Variants in MBD4 observed in about 807,000 individuals in gnomAD.
The protein encoded by MBD4 is methyl-CpG binding domain 4, DNA glycosylase.
MBD4 carries 53 observed loss-of-function variants against 60.2 expected under a neutral mutation model. The ratio of observed to expected loss-of-function variants is 0.88; its 90% confidence interval spans 0.71 to 1.11. The LOEUF is 1.11. Among genes scored for constraint, MBD4 ranks in the 50% least tolerant of loss-of-function variants. The pLI, the probability that MBD4 is intolerant of heterozygous loss-of-function variation, is 0.00. For synonymous variants in MBD4, 231 were observed against 229.8 expected (o/e 1.01, Z -0.05); for missense variants, 619 against 674.0 (o/e 0.92, Z 0.90).
At chr3:129,439,657 C>T in intron 1 of MBD4, 73 bp downstream of exon 1, 7 of 970,314 alleles carry the variant, frequency 7.2e-6, no homozygotes, top group Non-Finnish European at 1.1e-5. Flanking sequence ...TAGAAAGGCC[C>T]ACACACTGTC....
At chr3:129,431,652 T>A (rs1427937053) in intron 7 of MBD4, 74 bp from the exon 8 acceptor site, 1 of 1,068,620 alleles carries the variant, frequency 9.4e-7, no homozygotes, top group African/African-American at 1.5e-5. Context: ...TAAAATTGGC[T>A]TTTTAAATGT....
Position 129,436,816 on chromosome 3 carries a change from T to G in MBD4, c.828A>C (p.Glu276Asp), listed in dbSNP as rs371958871. The change falls in exon 3 of 8, where the codon GAA (glutamate) becomes GAC (aspartate). Residue 276 changes from glutamate (E) to aspartate (D), a missense_variant. By Grantham distance (45) the Glu-to-Asp change is conservative. Transcript: ENST00000429544. ...CAAGCTGACTTTTTTGTGCAACAGG[T>G]TCACTTTCAGCATCTGCTTTATTAC... ...SVCNKADAES[E>D]PVAQKSQLDR... The G allele has an allele frequency of 2.7e-5, 43 of 1,614,158 alleles. No homozygotes were observed. The East Asian group carries it at 4.5e-4, about 17-fold the overall frequency.
rs373011104 is a variant in MBD4 at position 129,437,945 on chromosome 3, T to C, written c.110A>G (p.Glu37Gly). ...TCTTTCCAATTCCATAGCAACATCT[T>C]CTTTGCTGGAAAAACAAAGTCTAAG... ...VPDPPNDLRK[E>G]DVAMELERVG... Residue 37 changes from glutamate (E) to glycine (G), a missense_variant, in exon 2 of 8, where the codon GAA (glutamate) becomes GGA (glycine). Coordinates refer to ENST00000429544, the MANE Select transcript of MBD4 (RefSeq NM_001276270.2). 6.3e-7 allele frequency: 1 copy of C among 1,591,136 alleles called. No homozygotes were observed. Among genetic ancestry groups the C allele is most frequent in the African/African-American group, 1.3e-5 (1 of 74,458 alleles).
At position 129,437,771 on chromosome 3, in the gene MBD4, T is replaced by A; in HGVS notation, c.284A>T (p.Lys95Met). 6.2e-7 allele frequency: 1 copy of A among 1,614,202 alleles called. No individual in the cohort carries two copies. The highest frequency in any genetic ancestry group is 8.5e-7 in the Non-Finnish European group (1 of 1,180,018). ...TGCTGTCTTCCCAAATAACCTTTGC[T>A]TCACAACTCTTTCCCATCCACATGG... is the stretch of plus-strand genomic sequence containing the variant. The part of the protein sequence containing the change: ...SVPCGWERVV[K>M]QRLFGKTAGR... The change falls in exon 2 of 8, where the codon AAG becomes ATG. Residue 95 changes from lysine (K) to methionine (M), a missense_variant. Coordinates refer to ENST00000429544, the MANE Select transcript of MBD4 (RefSeq NM_001276270.2).
At position 129,436,597 on chromosome 3, in the gene MBD4, C is replaced by G; in HGVS notation, c.1047G>C (p.Glu349Asp). The G allele has an allele frequency of 6.2e-7, 1 of 1,614,084 alleles. No homozygotes were observed. Among genetic ancestry groups the G allele is most frequent in the Non-Finnish European group, 8.5e-7 (1 of 1,180,000 alleles). The part of the protein sequence containing the change: ...AKDSEHNEKY[E>D]DTFLESEEIG... ...TTTCTTCAGATTCTAAAAAGGTATC[C>G]TCATACTTCTCGTTGTGTTCTGAGT... The change falls in exon 3 of 8, where the codon GAG becomes GAC. Residue 349 changes from glutamate (E) to aspartate (D), a missense_variant. Glu to Asp is a conservative substitution (Grantham distance 45, BLOSUM62 2). Transcript: ENST00000429544.
Position 129,436,832 on chromosome 3 carries a change from G to C in MBD4, c.812C>G (p.Ala271Gly), listed in dbSNP as rs753686324. Residue 271 changes from alanine (A) to glycine (G), a missense_variant, in exon 3 of 8, where the codon GCA becomes GGA. Coordinates refer to ENST00000429544, the MANE Select transcript of MBD4 (RefSeq NM_001276270.2). ...TGCAACAGGTTCACTTTCAGCATCT[G>C]CTTTATTACACACAGATTCTCTTTT... ...DSKRESVCNK[A>G]DAESEPVAQK... 3.1e-6 allele frequency: 5 copies of C among 1,614,074 alleles called. No individual in the cohort carries two copies. Among genetic ancestry groups the C allele is most frequent in the Admixed American group, 1.7e-5 (1 of 60,010 alleles).
chr3:129,432,143 G>A, intron 7 of MBD4: 2 of 1,282,666 alleles, frequency 1.6e-6, no homozygotes, highest in Non-Finnish European at 2.0e-6. Flanking sequence ...AACCCAATAT[G>A]CATACATTGC....
intron 1 of MBD4, among the ~76,000 whole-genome samples, chr3:129,438,559 C>T (rs1179961847): frequency 6.6e-6 from 1 of 152,022 alleles, no homozygotes; most frequent in Non-Finnish European, 1.5e-5. Flanking sequence ...AGAACAGACA[C>T]GAGAACCCAA....
intron 5 of MBD4, 51 bp downstream of exon 5, chr3:129,433,799 C>T (rs772430975): frequency 1.2e-6 from 2 of 1,612,136 alleles, no homozygotes; most frequent in Non-Finnish European, 8.5e-7. Context: ...TCAGTGCTTT[C>T]TCCCTACCAC....
chr3:129,435,648 C>T (rs537882724), intron 3 of MBD4, among the ~76,000 whole-genome samples: 2 of 152,302 alleles, frequency 1.3e-5, no homozygotes, highest in Admixed American at 6.5e-5. Context: ...CAAACCTAAT[C>T]TCCTGCTTCA....
In MBD4 at chr3:129,433,250, G is replaced by C; in HGVS notation, c.1394-3C>G. ...AAGCACAGGTATTGCCATTTTGCCTGGGAAGTAAAAGTAACTGAATGATTA... is the reference window on the plus strand; with the variant it reads ...AAGCACAGGTATTGCCATTTTGCCTCGGAAGTAAAAGTAACTGAATGATTA... On this transcript the variant is annotated splice_region_variant and splice_polypyrimidine_tract_variant and intron_variant, in intron 5 of 7. Coordinates refer to ENST00000429544, the MANE Select transcript of MBD4 (RefSeq NM_001276270.2). 1 of 1,613,932 alleles carries C rather than the reference G, an allele frequency of 6.2e-7. No homozygotes were observed. Among genetic ancestry groups the C allele is most frequent in the Non-Finnish European group, 8.5e-7 (1 of 1,179,962 alleles).
At chr3:129,432,068 G>C in intron 7 of MBD4, 2 of 892,218 alleles carry the variant, frequency 2.2e-6, no homozygotes, top group Non-Finnish European at 2.9e-6. Context: ...CCACAGGCTG[G>C]GCATATTCAA....
intron 1 of MBD4, among the ~76,000 whole-genome samples, chr3:129,439,510 C>A (rs952400051): frequency 6.6e-6 from 1 of 152,184 alleles, no homozygotes; most frequent in African/African-American, 2.4e-5. Context: ...CCGGCTCCCC[C>A]CCAGTCTCCC....
intron 6 of MBD4, 53 bp downstream of exon 6, chr3:129,433,045 T>C (rs1275951941): frequency 6.3e-7 from 1 of 1,599,732 alleles, no homozygotes; most frequent in Non-Finnish European, 8.6e-7. Flanking sequence ...GGTGTGGCTC[T>C]CTTAAATAAG....
In MBD4 at chr3:129,432,531, CG is replaced by C; in HGVS notation, c.1618del (p.Arg540GlufsTer18). ...GIGKYGNDSY[R>X]IFCVNEWKQV... Reference sequence around the variant, plus strand: ...CTTCCACTCATTGACACAAAAAATTCGGTAAGAGTCGTTGCCATATTTACCA... The same window carrying C: ...CTTCCACTCATTGACACAAAAAATTCGTAAGAGTCGTTGCCATATTTACCA... On this transcript the variant is annotated frameshift_variant, in exon 7 of 8. Transcript: ENST00000429544. LOFTEE classifies it high-confidence loss of function. 3 of 1,614,176 alleles carry C rather than the reference CG, an allele frequency of 1.9e-6. No individual in the cohort carries two copies. Among genetic ancestry groups the C allele is most frequent in the Non-Finnish European group, 2.5e-6 (3 of 1,180,034 alleles).
At chr3:129,434,025 G>A (rs867506777) in intron 4 of MBD4, 37 bp downstream of exon 4, 3 of 1,614,086 alleles carry the variant, frequency 1.9e-6, no homozygotes, top group Non-Finnish European at 2.5e-6. Context: ...ACCCAAAATG[G>A]AATTAGAATT....
chr3:129,439,342 G>A (rs1329032030), intron 1 of MBD4, among the ~76,000 whole-genome samples: 5 of 152,180 alleles, frequency 3.3e-5, no homozygotes, highest in South Asian at 4.1e-4. Flanking sequence ...CAAAGTCTCG[G>A]TAAAAGACTC....
intron 3 of MBD4, among the ~76,000 whole-genome samples, chr3:129,435,042 A>C (rs897462747): frequency 1.3e-5 from 2 of 152,150 alleles, no homozygotes; most frequent in Admixed American, 1.3e-4. Flanking sequence ...TGATGTGAAA[A>C]ACAGGACTAG....
intron 7 of MBD4, among the ~76,000 whole-genome samples, chr3:129,431,887 T>C (rs1320912392): frequency 6.6e-6 from 1 of 151,950 alleles, no homozygotes; most frequent in Non-Finnish European, 1.5e-5. Context: ...GACCGAGAGG[T>C]TAAATGGATT....
Sources: allele counts gnomAD v4.1 joint callset (sites outside exome capture counted in the v4.1 genomes callset), GRCh38; gene constraint gnomAD v4.1.1; transcripts MANE v1.5; gene names NCBI Gene and HGNC (gene_info 2026-07-23, HGNC 2026-07-21).